Variants in IGSF5 observed in about 807,000 individuals in gnomAD.
The protein encoded by IGSF5 is immunoglobulin superfamily member 5.
IGSF5 carries 41 observed loss-of-function variants against 39.4 expected under a neutral mutation model. The ratio of observed to expected loss-of-function variants is 1.04; its 90% confidence interval spans 0.81 to 1.35. IGSF5 has a LOEUF of 1.35. Among genes scored for constraint, IGSF5 ranks in the 40% most tolerant of loss-of-function variants. The pLI, the probability that IGSF5 is intolerant of heterozygous loss-of-function variation, is 0.00. For synonymous variants in IGSF5, 183 were observed against 175.3 expected, an observed-to-expected ratio of 1.04 and a Z score of -0.34; for missense variants, 487 against 494.6, an observed-to-expected ratio of 0.98 and a Z score of 0.15.
the IGSF5 span, among the ~76,000 whole-genome samples, chr21:39,727,357 G>C: frequency 6.6e-6 from 1 of 152,152 alleles, no homozygotes; most frequent in Non-Finnish European, 1.5e-5. Context: ...CCACCATCAG[G>C]GGACAGATAA....
intron 4 of IGSF5, 97 bp from the exon 5 acceptor site, chr21:39,778,993 T>C (rs1347172435): frequency 4.2e-6 from 6 of 1,435,842 alleles, no homozygotes; most frequent in African/African-American, 1.4e-5. Flanking sequence ...TGAATAGTTA[T>C]AATATTACTA....
chr21:39,760,388 C>A (rs1449538631), intron 2 of IGSF5, among the ~76,000 whole-genome samples: 1 of 152,186 alleles, frequency 6.6e-6, no homozygotes, highest in Admixed American at 6.5e-5. Context: ...ACTACTGTGA[C>A]AATTGTAACC....
intron 8 of IGSF5, among the ~76,000 whole-genome samples, chr21:39,797,999 G>A (rs1472223153): frequency 2.6e-5 from 4 of 152,118 alleles, no homozygotes; most frequent in Non-Finnish European, 5.9e-5. Context: ...TTTCTTCAGG[G>A]GCCCATTGCT....
chr21:39,713,624 C>G, the IGSF5 span, among the ~76,000 whole-genome samples: 1 of 152,178 alleles, frequency 6.6e-6, no homozygotes, highest in South Asian at 2.1e-4. Context: ...CTCTGGGTCT[C>G]ATGCAAAACT....
chr21:39,739,252 CTT>C, the IGSF5 span, among the ~76,000 whole-genome samples: 6 of 141,912 alleles, frequency 4.2e-5, no homozygotes, highest in Admixed American at 7.1e-5. Context: ...TTTTCTTCTG[CTT>C]TTTTTTTTTT....
At chr21:39,752,187 A>C (rs1274499213) in intron 2 of IGSF5, among the ~76,000 whole-genome samples, 1 of 152,126 alleles carries the variant, frequency 6.6e-6, no homozygotes, top group South Asian at 2.1e-4. Context: ...CTGAGTCCCC[A>C]AAGTCCATTG....
At chr21:39,726,785 C>T in the IGSF5 span, among the ~76,000 whole-genome samples, 23 of 152,162 alleles carry the variant, frequency 1.5e-4, no homozygotes, top group African/African-American at 5.3e-4. Flanking sequence ...TGAGGGCCTC[C>T]AGGAGGAATG....
At chr21:39,773,864 G>A (rs752009489) in intron 4 of IGSF5, among the ~76,000 whole-genome samples, 6 of 152,206 alleles carry the variant, frequency 3.9e-5, no homozygotes, top group African/African-American at 7.2e-5. Context: ...ACGAGGTAAC[G>A]ATGCAGCAGG....
chr21:39,794,700 T>C (rs1380033183), intron 8 of IGSF5, among the ~76,000 whole-genome samples: 1 of 152,116 alleles, frequency 6.6e-6, no homozygotes, highest in East Asian at 1.9e-4. Context: ...TTTTAGCTTT[T>C]GGAAAAGGTA....
chr21:39,794,101 A>T (rs374178220), intron 8 of IGSF5, among the ~76,000 whole-genome samples: 10 of 152,168 alleles, frequency 6.6e-5, no homozygotes, highest in African/African-American at 2.2e-4. Flanking sequence ...CTCTGCATGC[A>T]AGTTCTATGC....
chr21:39,726,706 A>G, the IGSF5 span, among the ~76,000 whole-genome samples: 2 of 152,136 alleles, frequency 1.3e-5, no homozygotes, highest in African/African-American at 2.4e-5. Flanking sequence ...ATTTTCCCTT[A>G]CTGGAATTGA....
At chr21:39,714,495 A>G in the IGSF5 span, among the ~76,000 whole-genome samples, 131 of 152,356 alleles carry the variant, frequency 8.6e-4, no homozygotes, top group East Asian at 0.015. Context: ...CATAATAAGT[A>G]TCACACACTG....
At chr21:39,723,344 A>G in the IGSF5 span, among the ~76,000 whole-genome samples, 34 of 152,292 alleles carry the variant, frequency 2.2e-4, no homozygotes, top group African/African-American at 8.2e-4. Context: ...CTCCAACATG[A>G]CTATGTGCAC....
chr21:39,766,559 G>T (rs551472916), intron 3 of IGSF5, among the ~76,000 whole-genome samples: 1 of 152,004 alleles, frequency 6.6e-6, no homozygotes, highest in Admixed American at 6.6e-5. Flanking sequence ...AAAGTTGTGT[G>T]TTCACCAAAT....
At chr21:39,744,459 T>C (rs1404225839), upstream of IGSF5, among the ~76,000 whole-genome samples, 1 of 152,266 alleles carries the variant, frequency 6.6e-6, no homozygotes, top group Non-Finnish European at 1.5e-5. Flanking sequence ...AGACCAATTA[T>C]TAGGCAATTT....
chr21:39,724,181 A>G, the IGSF5 span, among the ~76,000 whole-genome samples: 2 of 152,238 alleles, frequency 1.3e-5, no homozygotes, highest in South Asian at 2.1e-4. Flanking sequence ...CTCTGTATTA[A>G]TAATAGAATT....
intron 8 of IGSF5, among the ~76,000 whole-genome samples, chr21:39,798,631 T>A (rs2087011357): frequency 6.6e-6 from 1 of 152,196 alleles, no homozygotes; most frequent in Non-Finnish European, 1.5e-5. Flanking sequence ...TCTGAATACG[T>A]CATCTTTGTC....
At chr21:39,753,651 G>T (rs766144893) in intron 2 of IGSF5, among the ~76,000 whole-genome samples, 7 of 152,002 alleles carry the variant, frequency 4.6e-5, no homozygotes, top group Non-Finnish European at 7.4e-5. Context: ...TAAAATCTGG[G>T]TGCTCCATTG....
intron 2 of IGSF5, among the ~76,000 whole-genome samples, chr21:39,757,866 C>T (rs201528869): frequency 1.6e-4 from 24 of 152,280 alleles, no homozygotes; most frequent in East Asian, 1.4e-3. Context: ...CGTGAGCCAC[C>T]GCGCCCAGAC....
Sources: gnomAD v4.1 joint callset for allele counts (sites outside exome capture counted in the v4.1 genomes callset) on GRCh38, gnomAD v4.1.1 for gene constraint, MANE v1.5 for transcripts, NCBI Gene and HGNC (gene_info 2026-07-23, HGNC 2026-07-21) for gene names.